The following PARL variants were observed in gnomAD, a reference collection of about 807,000 sequenced individuals.
The protein encoded by PARL is presenilin associated rhomboid like.
A neutral mutation model predicts 51.6 loss-of-function variants in PARL; 44 were observed. The ratio of observed to expected loss-of-function variants is 0.85; its 90% CI spans 0.67 to 1.10. The LOEUF (loss-of-function observed/expected upper bound fraction) is 1.10. PARL is among the 50% of genes least tolerant of loss of function. The probability of loss-of-function intolerance (pLI) is 0.00; values close to 1 mark genes in which losing one functional copy is unlikely to be tolerated. For synonymous variants in PARL, 172 were observed against 164.0 expected, an observed-to-expected ratio of 1.05 and a Z score of -0.37; for missense variants, 441 against 469.5, an observed-to-expected ratio of 0.94 and a Z score of 0.56.
At chr3:183,850,424 G>T (rs1056508145) in intron 4 of PARL, among the ~76,000 whole-genome samples, 9 of 152,104 alleles carry the variant, frequency 5.9e-5, no homozygotes, top group African/African-American at 2.2e-4. Flanking sequence ...TGAGTCAATG[G>T]ATTTAAGGTA....
At chr3:183,871,847 A>G (rs1412255302) in intron 1 of PARL, among the ~76,000 whole-genome samples, 1 of 152,200 alleles carries the variant, frequency 6.6e-6, no homozygotes. Context: ...TTTAATACTT[A>G]TACATTTTAC....
chr3:183,853,826 G>A (rs1018217052), intron 4 of PARL, among the ~76,000 whole-genome samples: 5 of 152,324 alleles, frequency 3.3e-5, no homozygotes, highest in Admixed American at 1.3e-4. Flanking sequence ...TGGAAGACTT[G>A]AGCGCTGTTG....
intron 2 of PARL, among the ~76,000 whole-genome samples, chr3:183,867,057 G>A (rs1336921855): frequency 2.0e-5 from 3 of 152,094 alleles, no homozygotes; most frequent in South Asian, 2.1e-4. Context: ...AGGATTACAG[G>A]TACCTGCCTC....
At chr3:183,836,074 G>A (rs557990426) in intron 7 of PARL, among the ~76,000 whole-genome samples, 3 of 151,738 alleles carry the variant, frequency 2.0e-5, no homozygotes, top group African/African-American at 7.3e-5. Context: ...AAAATTAGCT[G>A]GGCATGGTCG....
At chr3:183,842,548 G>A (rs1316923502) in intron 5 of PARL, 101 bp from the exon 6 acceptor site, 16 of 1,095,892 alleles carry the variant, frequency 1.5e-5, no homozygotes, top group Admixed American at 3.7e-5. Context: ...AGTGGCTCAC[G>A]CCTGTAATCC....
At chr3:183,862,603 T>C (rs1218126184) in intron 4 of PARL, 150 bp downstream of exon 4, 2 of 681,492 alleles carry the variant, frequency 2.9e-6, no homozygotes, top group Admixed American at 4.3e-5. Flanking sequence ...CCTCACCACT[T>C]TATATACTAT....
At position 183,829,666 on chromosome 3, in the gene PARL, C is replaced by T; in HGVS notation, c.1072G>A (p.Glu358Lys). Residue 358 changes from glutamate (E) to lysine (K), a missense_variant, in exon 10 of 10, where the codon GAG becomes AAG. Glu to Lys is a moderately conservative substitution (Grantham distance 56). Transcript: ENST00000317096. Reference sequence around the variant, plus strand: ...TCATGCCAGATTTTCACTAGCGGCTCCCTGTTCTTCCAAATCAGTTCATGA... The same window carrying T: ...TCATGCCAGATTTTCACTAGCGGCTTCCTGTTCTTCCAAATCAGTTCATGA... ...YGHELIWKNR[E>K]PLVKIWHEIR... The T allele has an allele frequency of 6.2e-7, 1 of 1,614,130 alleles. No homozygotes were observed. Among genetic ancestry groups the T allele is most frequent in the Non-Finnish European group, 8.5e-7 (1 of 1,180,020 alleles).
intron 1 of PARL, among the ~76,000 whole-genome samples, chr3:183,880,966 C>T (rs1734368150): frequency 6.6e-6 from 1 of 151,996 alleles, no homozygotes; most frequent in Non-Finnish European, 1.5e-5. Context: ...GAGGCAGCAC[C>T]ACCATACCCA....
chr3:183,830,954 C>T (rs1424179278), intron 9 of PARL, among the ~76,000 whole-genome samples: 1 of 152,172 alleles, frequency 6.6e-6, no homozygotes, highest in Non-Finnish European at 1.5e-5. Context: ...TTGTCAGGAA[C>T]TCTTCATTAA....
chr3:183,877,113 C>T (rs547941839), intron 1 of PARL, among the ~76,000 whole-genome samples: 2 of 152,252 alleles, frequency 1.3e-5, no homozygotes, highest in African/African-American at 4.8e-5. Context: ...ACTCAGGAGG[C>T]TGAGGCAGGA....
intron 1 of PARL, among the ~76,000 whole-genome samples, chr3:183,882,412 T>A (rs1358288783): frequency 7.4e-6 from 1 of 135,944 alleles, no homozygotes; most frequent in African/African-American, 2.8e-5. Flanking sequence ...CACACACATA[T>A]ATATAGAGAG....
chr3:183,851,990 T>C (rs1339502397), intron 4 of PARL, among the ~76,000 whole-genome samples: 3 of 152,112 alleles, frequency 2.0e-5, no homozygotes. Flanking sequence ...CAAGACCTCA[T>C]CTCTACAGAA....
intron 4 of PARL, chr3:183,844,790 G>A (rs1306200955): frequency 6.4e-6 from 1 of 157,122 alleles, no homozygotes; most frequent in Non-Finnish European, 1.4e-5. Context: ...AGTCATCTGT[G>A]TAGGTGAAGG....
intron 4 of PARL, among the ~76,000 whole-genome samples, chr3:183,851,286 A>G (rs1369320304): frequency 6.6e-6 from 1 of 152,240 alleles, no homozygotes; most frequent in Non-Finnish European, 1.5e-5. Flanking sequence ...AAGCAACAAA[A>G]GAAAAAAATA....
At chr3:183,861,850 A>C (rs1731869269) in intron 4 of PARL, among the ~76,000 whole-genome samples, 1 of 152,186 alleles carries the variant, frequency 6.6e-6, no homozygotes, top group Non-Finnish European at 1.5e-5. Flanking sequence ...ACCACAGCTC[A>C]CTGCAACCTC....
intron 1 of PARL, among the ~76,000 whole-genome samples, chr3:183,870,729 G>A (rs1733092261): frequency 2.0e-5 from 3 of 151,812 alleles, no homozygotes; most frequent in Non-Finnish European, 4.4e-5. Context: ...CCTTCAATCC[G>A]ACCCCTTCCT....
At chr3:183,831,447 C>T (rs1253306580) in intron 9 of PARL, among the ~76,000 whole-genome samples, 2 of 152,366 alleles carry the variant, frequency 1.3e-5, no homozygotes, top group East Asian at 1.9e-4. Context: ...GTAGCGGCAG[C>T]GCAAGCCAGC....
intron 1 of PARL, 64 bp from the exon 2 acceptor site, chr3:183,868,124 C>T: frequency 1.7e-6 from 2 of 1,210,796 alleles, no homozygotes; most frequent in Non-Finnish European, 2.4e-6. Context: ...CTTCTATGAA[C>T]CTCCACTTGG....
chr3:183,876,285 G>A (rs1577389962), intron 1 of PARL, among the ~76,000 whole-genome samples: 1 of 152,154 alleles, frequency 6.6e-6, no homozygotes, highest in Non-Finnish European at 1.5e-5. Context: ...GATCTCAGGC[G>A]ATCCGCCCGT....
Sources: allele counts gnomAD v4.1 joint callset (sites outside exome capture counted in the v4.1 genomes callset), GRCh38; gene constraint gnomAD v4.1.1; transcripts MANE v1.5; gene names NCBI Gene and HGNC (gene_info 2026-07-23, HGNC 2026-07-21).